Variants in PCDHB10 observed in about 807,000 individuals in gnomAD.
PCDHB10 encodes protocadherin beta-10.
For missense variants in PCDHB10, 1,046 were observed against 1,004.7 expected (o/e 1.04, Z -0.56); for synonymous variants, 448 against 449.2 (o/e 1.00, Z 0.04).
rs934885211 is a variant in PCDHB10 at position 141,194,874 on chromosome 5, G to A, written c.2322G>A (p.Ser774=). The change falls in exon 1 of 1, where the codon TCG becomes TCA. Residue 774 remains serine (S), a synonymous_variant. Transcript: ENST00000239446. ...TCAAGTTCTTGAAACCAGTTATTTCGGATATTCAGGCACAGGGCCCTGGGA... is the reference window on the plus strand; with the variant it reads ...TCAAGTTCTTGAAACCAGTTATTTCAGATATTCAGGCACAGGGCCCTGGGA... ...SEFKFLKPVI[S]DIQAQGPGRK... 2 of 1,614,040 alleles carry A rather than the reference G, an allele frequency of 1.2e-6. No homozygotes were observed. Among genetic ancestry groups the A allele is most frequent in the Admixed American group, 1.7e-5 (1 of 60,000 alleles).
Position 141,194,971 on chromosome 5 carries a change from T to G in PCDHB10, c.*16T>G. 2 of 1,568,622 alleles carry G rather than the reference T, an allele frequency of 1.3e-6. No individual in the cohort carries two copies. The highest frequency in any genetic ancestry group is 1.7e-6 in the Non-Finnish European group (2 of 1,155,688). On this transcript the variant is annotated 3_prime_UTR_variant, in exon 1 of 1. Transcript: ENST00000239446. ...TATTCAGTAAAGTCTGTTTTTAGTTTCATATACTTTTGGTGTGTTACATAG... is the reference window on the plus strand; with the variant it reads ...TATTCAGTAAAGTCTGTTTTTAGTTGCATATACTTTTGGTGTGTTACATAG...
rs1554284254 is a variant in PCDHB10 at position 141,194,039 on chromosome 5, C to T, written c.1487C>T (p.Pro496Leu). 1 of 1,608,298 alleles carries T rather than the reference C, an allele frequency of 6.2e-7. No individual in the cohort carries two copies. The highest frequency in any genetic ancestry group is 8.5e-7 in the Non-Finnish European group (1 of 1,177,986). ...VTYSLLPPQD[P>L]HLPLASLVSI... Reference sequence around the variant, plus strand: ...TACTCGCTGCTGCCGCCCCAAGACCCGCACCTGCCCCTCGCCTCCCTGGTC... The same window carrying T: ...TACTCGCTGCTGCCGCCCCAAGACCTGCACCTGCCCCTCGCCTCCCTGGTC... The change falls in exon 1 of 1, where the codon CCG becomes CTG. Residue 496 changes from proline (P) to leucine (L), a missense_variant. Physicochemically the swap from Pro to Leu is moderately conservative, Grantham distance 98 (BLOSUM62 -3). Coordinates refer to ENST00000239446, the MANE Select transcript of PCDHB10 (RefSeq NM_018930.4).
At position 141,195,351 on chromosome 5, in the gene PCDHB10, C is replaced by T. The variant is rs188719532; in HGVS notation, c.*396C>T. 6.7e-3 allele frequency: 1,145 copies of T among 171,074 alleles called. 12 individuals carry two copies. Among genetic ancestry groups the T allele is most frequent in the Middle Eastern group, 9.9e-3 (3 of 304 alleles). 10.6% of individuals were successfully genotyped at this position (171,074 alleles called of 1,614,324 possible). On this transcript the variant is annotated 3_prime_UTR_variant, in exon 1 of 1. Transcript: ENST00000239446. Reference sequence around the variant, plus strand: ...AACTCATTCTAACATTCTATATATTCGTGTTTGAAAACCATGTCATTTATT... The same window carrying T: ...AACTCATTCTAACATTCTATATATTTGTGTTTGAAAACCATGTCATTTATT...
Position 141,194,535 on chromosome 5 carries a change from C to G in PCDHB10, c.1983C>G (p.Leu661=), listed in dbSNP as rs201569116. 7.0e-5 allele frequency: 110 copies of G among 1,578,906 alleles called. 2 individuals are homozygous for G. The East Asian group carries it at 2.3e-3, about 33-fold the overall frequency. The change falls in exon 1 of 1, where the codon CTC becomes CTG. Residue 661 remains leucine, a synonymous_variant. Coordinates refer to ENST00000239446, the MANE Select transcript of PCDHB10 (RefSeq NM_018930.4). ...PRSATATLHL[L]LVDGFSQPYL... ...CGGCCACCGCCACGCTGCACTTGCT[C>G]CTGGTGGACGGCTTCTCCCAGCCCT... is the stretch of plus-strand genomic sequence containing the variant.
At position 141,195,116 on chromosome 5, in the gene PCDHB10, T is replaced by C; in HGVS notation, c.*161T>C. 1.4e-6 allele frequency: 1 copy of C among 709,734 alleles called. No individual in the cohort carries two copies. The highest frequency in any genetic ancestry group is 2.2e-6 in the Non-Finnish European group (1 of 457,574). 44.0% of individuals were successfully genotyped at this position (709,734 alleles called of 1,614,324 possible). ...ATGTTTCATCATTTTTTTGCATTAATAACAACTGGGTTTAATTTAATGAGT... is the reference window on the plus strand; with the variant it reads ...ATGTTTCATCATTTTTTTGCATTAACAACAACTGGGTTTAATTTAATGAGT... On this transcript the variant is annotated 3_prime_UTR_variant, in exon 1 of 1. Transcript: ENST00000239446.
In PCDHB10 at chr5:141,192,944, C is replaced by T. The variant is rs781820631; in HGVS notation, c.392C>T (p.Pro131Leu). The T allele has an allele frequency of 2.5e-5, 41 of 1,613,976 alleles. No homozygotes were observed. The highest frequency in any genetic ancestry group is 1.8e-4 in the South Asian group (16 of 91,070). The change falls in exon 1 of 1, where the codon CCA becomes CTA. Residue 131 changes from proline to leucine, a missense_variant. Pro to Leu is a moderately conservative substitution (Grantham distance 98, BLOSUM62 -3). Transcript: ENST00000239446. ...GTCAGGGATATAAATGATCACGCGC[C>T]AGTATTTCAGGACAAAGAAACAGTC... ...LRVRDINDHA[P>L]VFQDKETVLK... is the part of the protein sequence containing the mutation.
rs1378420808 is a variant in PCDHB10 at position 141,192,605 on chromosome 5, T to G, written c.53T>G (p.Phe18Cys). 5 of 1,614,152 alleles carry G rather than the reference T, an allele frequency of 3.1e-6. No homozygotes were observed. Among genetic ancestry groups the G allele is most frequent in the Non-Finnish European group, 3.4e-6 (4 of 1,180,036 alleles). The change falls in exon 1 of 1, where the codon TTT becomes TGT. Residue 18 changes from phenylalanine to cysteine, a missense_variant. Phe to Cys is a radical substitution (Grantham distance 205). Coordinates refer to ENST00000239446, the MANE Select transcript of PCDHB10 (RefSeq NM_018930.4). ...AGACAAAGGCAAGTCCTGTTTCTTT[T>G]TCTTTTTTGGGGAGTGTCCTTGGCA... ...FPRQRQVLFL[F>C]LFWGVSLAGS...
Position 141,192,481 on chromosome 5 carries a change from G to A in PCDHB10, c.-72G>A, listed in dbSNP as rs1320174062. ...CTGGGCTACACGGCGTAGGTGCAGG[G>A]TTTCCTACTGCTGTTCTTTTATGCT... On this transcript the variant is annotated 5_prime_UTR_variant, in exon 1 of 1. Transcript: ENST00000239446. 2 of 1,553,940 alleles carry A rather than the reference G, an allele frequency of 1.3e-6. No individual in the cohort carries two copies. Among genetic ancestry groups the A allele is most frequent in the African/African-American group, 2.7e-5 (2 of 72,762 alleles).
In PCDHB10 at chr5:141,193,574, A is replaced by T; in HGVS notation, c.1022A>T (p.Asn341Ile). Reference sequence around the variant, plus strand: ...GTTTTAGTGGAAGTATTGGACACCAATGACAATCCCCCTGAACTGATCGTA... The same window carrying T: ...GTTTTAGTGGAAGTATTGGACACCATTGACAATCCCCCTGAACTGATCGTA... ...CRVLVEVLDTNDNPPELIVSS... is the reference protein window; with the variant it reads ...CRVLVEVLDTIDNPPELIVSS... Residue 341 changes from asparagine (N) to isoleucine (I), a missense_variant, in exon 1 of 1, where the codon AAT (asparagine) becomes ATT (isoleucine). Physicochemically the swap from Asn to Ile is moderately radical, Grantham distance 149. Coordinates refer to ENST00000239446, the MANE Select transcript of PCDHB10 (RefSeq NM_018930.4). The T allele has an allele frequency of 6.2e-7, 1 of 1,614,156 alleles. No homozygotes were observed. Among genetic ancestry groups the T allele is most frequent in the Non-Finnish European group, 8.5e-7 (1 of 1,180,028 alleles).
rs1191359796 is a variant in PCDHB10, at chr5:141,193,245, T to G, written c.693T>G (p.Val231=). The G allele has an allele frequency of 2.7e-5, 44 of 1,614,128 alleles. No individual in the cohort carries two copies. The highest frequency in any genetic ancestry group is 2.5e-4 in the East Asian group (11 of 44,866). Residue 231 remains valine (V), a synonymous_variant, in exon 1 of 1, where the codon GTT becomes GTG. Coordinates refer to ENST00000239446, the MANE Select transcript of PCDHB10 (RefSeq NM_018930.4). Reference sequence around the variant, plus strand: ...CTGGGACCTCTACTGTACGCATCGTTGTCTTGGACGTCAATGACAATGCCC... The same window carrying G: ...CTGGGACCTCTACTGTACGCATCGTGGTCTTGGACGTCAATGACAATGCCC... ...SRSGTSTVRI[V]VLDVNDNAPQ... is the part of the protein sequence containing the mutation.
At position 141,194,339 on chromosome 5, in the gene PCDHB10, C is replaced by T; in HGVS notation, c.1787C>T (p.Ser596Leu). The T allele has an allele frequency of 6.2e-7, 1 of 1,601,248 alleles. No individual in the cohort carries two copies. Among genetic ancestry groups the T allele is most frequent in the Non-Finnish European group, 8.5e-7 (1 of 1,178,372 alleles). ...AAGGTGGTGGCGGTGGACGGCGACT[C>T]GGGCCAGAACGCCTGGCTGTCGTAC... ...VTKVVAVDGD[S>L]GQNAWLSYQL... The change falls in exon 1 of 1, where the codon TCG (serine) becomes TTG (leucine). Residue 596 changes from serine to leucine, a missense_variant. By Grantham distance (145) the Ser-to-Leu change is moderately radical (BLOSUM62 -2). Coordinates refer to ENST00000239446, the MANE Select transcript of PCDHB10 (RefSeq NM_018930.4).
Position 141,195,070 on chromosome 5 carries a change from G to A in PCDHB10, c.*115G>A, listed in dbSNP as rs1754025729. The A allele has an allele frequency of 9.0e-7, 1 of 1,115,434 alleles. No individual in the cohort carries two copies. The highest frequency in any genetic ancestry group is 1.6e-5 in the African/African-American group (1 of 63,716). The allele number at this position is 1,115,434 out of a possible 1,614,324, so 69.1% of individuals were successfully genotyped here. A position where few individuals can be genotyped will look rare whatever the true frequency, so the allele number is the denominator to read the frequency against. On this transcript the variant is annotated 3_prime_UTR_variant, in exon 1 of 1. Transcript: ENST00000239446. ...CAACTTCAAGCATTATTTTCAAGTA[G>A]TATACCCCTGTGGTTTTACAATGTT...
At position 141,192,735 on chromosome 5, in the gene PCDHB10, A is replaced by C. The variant is rs17844553; in HGVS notation, c.183A>C (p.Ala61=). The C allele has an allele frequency of 4.0e-5, 65 of 1,611,494 alleles. 1 individual carries two copies. In the East Asian group the frequency reaches 1.4e-3, roughly 35 times the overall value. ...DLGLAEGELA[A]RGTRVVSDDN... is the part of the protein sequence containing the mutation. ...GACTAGCAGAGGGGGAGCTGGCTGC[A>C]AGGGGAACCAGGGTGGTTTCCGATG... Residue 61 remains alanine (A), a synonymous_variant, in exon 1 of 1, where the codon GCA becomes GCC. Coordinates refer to ENST00000239446, the MANE Select transcript of PCDHB10 (RefSeq NM_018930.4).
rs1379940744 is a variant in PCDHB10, at chr5:141,195,434, A to C, written c.*479A>C. On this transcript the variant is annotated 3_prime_UTR_variant, in exon 1 of 1. Transcript: ENST00000239446. ...CTACTACTATGCTCATGACAAAATG[A>C]AACAAAGCATATTGTGAGCAATACT... is the stretch of plus-strand genomic sequence containing the variant. 1.8e-5 allele frequency: 3 copies of C among 167,560 alleles called. No individual in the cohort carries two copies. Among genetic ancestry groups the C allele is most frequent in the Non-Finnish European group, 4.4e-5 (3 of 68,468 alleles). 10.4% of individuals were successfully genotyped at this position (167,560 alleles called of 1,614,324 possible). A position where few individuals can be genotyped will look rare whatever the true frequency, so the allele number is the denominator to read the frequency against.
Position 141,195,142 on chromosome 5 carries a change from A to C in PCDHB10, c.*187A>C. The C allele has an allele frequency of 1.8e-6, 1 of 556,260 alleles. No individual in the cohort carries two copies. The highest frequency in any genetic ancestry group is 3.0e-6 in the Non-Finnish European group (1 of 328,434). 34.5% of individuals were successfully genotyped at this position (556,260 alleles called of 1,614,324 possible). ...AACAACTGGGTTTAATTTAATGAGTATTTTTTTCTAAATGATAGTGTTAAG... is the reference window on the plus strand; with the variant it reads ...AACAACTGGGTTTAATTTAATGAGTCTTTTTTTCTAAATGATAGTGTTAAG... On this transcript the variant is annotated 3_prime_UTR_variant, in exon 1 of 1. Coordinates refer to ENST00000239446, the MANE Select transcript of PCDHB10 (RefSeq NM_018930.4).
At position 141,194,341 on chromosome 5, in the gene PCDHB10, G is replaced by A. The variant is rs1385193970; in HGVS notation, c.1789G>A (p.Gly597Ser). The change falls in exon 1 of 1, where the codon GGC becomes AGC. Residue 597 changes from glycine to serine, a missense_variant. By Grantham distance (56) the Gly-to-Ser change is moderately conservative. Coordinates refer to ENST00000239446, the MANE Select transcript of PCDHB10 (RefSeq NM_018930.4). ...TKVVAVDGDSGQNAWLSYQLL... is the reference protein window; with the variant it reads ...TKVVAVDGDSSQNAWLSYQLL... Reference sequence around the variant, plus strand: ...GGTGGTGGCGGTGGACGGCGACTCGGGCCAGAACGCCTGGCTGTCGTACCA... The same window carrying A: ...GGTGGTGGCGGTGGACGGCGACTCGAGCCAGAACGCCTGGCTGTCGTACCA... 9.4e-6 allele frequency: 15 copies of A among 1,601,628 alleles called. No homozygotes were observed. In the East Asian group the frequency reaches 2.9e-4, roughly 31 times the overall value.
rs1554283977 is a variant in PCDHB10, at chr5:141,193,123, T to C, written c.571T>C (p.Tyr191His). The part of the protein sequence containing the change: ...NISGGDEGMI[Y>H]PELVLDKALD... The stretch of plus-strand genomic sequence containing the variant: ...TAGTGGCGGTGATGAAGGCATGATA[T>C]ATCCAGAGCTAGTGTTGGACAAAGC... Residue 191 changes from tyrosine (Y) to histidine (H), a missense_variant, in exon 1 of 1, where the codon TAT (tyrosine) becomes CAT (histidine). Transcript: ENST00000239446. 4 of 1,614,176 alleles carry C rather than the reference T, an allele frequency of 2.5e-6. No homozygotes were observed. The highest frequency in any genetic ancestry group is 1.7e-5 in the Admixed American group (1 of 60,026).
rs782599249 is a variant in PCDHB10 at position 141,194,270 on chromosome 5, C to G, written c.1718C>G (p.Thr573Ser). The change falls in exon 1 of 1, where the codon ACC becomes AGC. Residue 573 changes from threonine (T) to serine (S), a missense_variant. By Grantham distance (58) the Thr-to-Ser change is moderately conservative. Transcript: ENST00000239446. ...YPLQNGSAPC[T>S]ELVPRAAEPG... is the part of the protein sequence containing the mutation. ...CTGCAGAACGGCTCCGCGCCCTGCA[C>G]CGAGCTGGTGCCCCGGGCGGCCGAG... The G allele has an allele frequency of 1.7e-5, 28 of 1,605,930 alleles. No homozygotes were observed. In the Middle Eastern group the frequency reaches 9.0e-4, roughly 52 times the overall value.
rs1236559662 is a variant in PCDHB10, at chr5:141,193,403, C to T, written c.851C>T (p.Ala284Val). Residue 284 changes from alanine (A) to valine (V), a missense_variant, in exon 1 of 1, where the codon GCC becomes GTC. By Grantham distance (64) the Ala-to-Val change is moderately conservative (BLOSUM62 0). Transcript: ENST00000239446. Reference protein sequence around the residue: ...NAEVSYSFFDASENIRTTFQI... With the variant: ...NAEVSYSFFDVSENIRTTFQI... ...GAAGTATCCTATTCATTTTTTGATG[C>T]CTCAGAAAATATTCGAACAACCTTT... 2 of 1,614,154 alleles carry T rather than the reference C, an allele frequency of 1.2e-6. No homozygotes were observed. The highest frequency in any genetic ancestry group is 8.5e-7 in the Non-Finnish European group (1 of 1,180,016).
Sources: gnomAD v4.1 joint callset for allele counts on GRCh38, gnomAD v4.1.1 for gene constraint, MANE v1.5 for transcripts, NCBI Gene and HGNC (gene_info 2026-07-23, HGNC 2026-07-21) for gene names.